The following ELMO1 variants were observed in gnomAD, a reference collection of about 807,000 sequenced individuals.
ELMO1 encodes engulfment and cell motility 1, also known as engulfment and cell motility protein 1.
ELMO1 carries 26 observed loss-of-function variants against 98.9 expected under a neutral mutation model. That is an observed-to-expected ratio of 0.26 (90% CI 0.19 to 0.36). The LOEUF (loss-of-function observed/expected upper bound fraction) is 0.36. ELMO1 is among the 10% of genes least tolerant of loss of function. The pLI, the probability that ELMO1 is intolerant of heterozygous loss-of-function variation, is 1.00. For missense variants in ELMO1, 627 were observed against 935.2 expected, an observed-to-expected ratio of 0.67 and a Z score of 4.30; for synonymous variants, 346 against 346.0, an observed-to-expected ratio of 1.00 and a Z score of 0.00.
intron 15 of ELMO1, among the ~76,000 whole-genome samples, chr7:37,081,163 C>G (rs1797847931): frequency 6.6e-6 from 1 of 152,128 alleles, no homozygotes; most frequent in South Asian, 2.1e-4. Context: ...CATCCCGGTG[C>G]TCTTTATAAG....
intron 7 of ELMO1, among the ~76,000 whole-genome samples, chr7:37,240,044 C>T (rs75780576): frequency 0.013 from 1,788 of 132,802 alleles, 23 homozygotes; most frequent in African/African-American, 0.043. Flanking sequence ...TTTTTTTTTT[C>T]TTTTTTTTTT....
chr7:37,355,030 A>G (rs367826912), intron 1 of ELMO1, among the ~76,000 whole-genome samples: 3 of 152,310 alleles, frequency 2.0e-5, no homozygotes. Flanking sequence ...AGAATTAGTC[A>G]TTCTGATGCA....
Position 36,855,464 on chromosome 7 carries a change from G to T in ELMO1, c.*87C>A. 1 of 1,542,516 alleles carries T rather than the reference G, an allele frequency of 6.5e-7. No homozygotes were observed. Among genetic ancestry groups the T allele is most frequent in the Non-Finnish European group, 8.9e-7 (1 of 1,121,824 alleles). The stretch of plus-strand genomic sequence containing the variant: ...CACAGCTTCCCTTTACCAAAGGACG[G>T]TTCCAAGGCGTGGGTGTGTTTTCAT... On this transcript the variant is annotated 3_prime_UTR_variant, in exon 22 of 22. Coordinates refer to ENST00000310758, the MANE Select transcript of ELMO1 (RefSeq NM_014800.11). This position sits in a 1 kb window ranked among gnomAD's most constrained non-coding sequence, Gnocchi z 4.2.
intron 15 of ELMO1, among the ~76,000 whole-genome samples, chr7:37,031,289 T>A (rs1365224305): frequency 6.6e-6 from 1 of 152,120 alleles, no homozygotes; most frequent in Non-Finnish European, 1.5e-5. Context: ...GGACCCTGAC[T>A]CGCCCTGAAT....
At chr7:37,255,803 C>T (rs1226957696) in intron 6 of ELMO1, among the ~76,000 whole-genome samples, 1 of 152,218 alleles carries the variant, frequency 6.6e-6, no homozygotes. Flanking sequence ...TTAGCTTAAT[C>T]AATAAACAGG....
intron 16 of ELMO1, among the ~76,000 whole-genome samples, chr7:36,995,572 C>G (rs1276132338): frequency 6.6e-6 from 1 of 151,814 alleles, no homozygotes; most frequent in Non-Finnish European, 1.5e-5. Flanking sequence ...TATAATTTTG[C>G]AGGCTGCTCT....
At chr7:36,862,593 G>T (rs867464356) in intron 20 of ELMO1, among the ~76,000 whole-genome samples, 1 of 152,234 alleles carries the variant, frequency 6.6e-6, no homozygotes, top group African/African-American at 2.4e-5. Context: ...CTAGTGGTCT[G>T]AGCGGTCAGC....
intron 15 of ELMO1, among the ~76,000 whole-genome samples, chr7:37,060,195 T>A (rs2129212528): frequency 6.6e-6 from 1 of 152,316 alleles, no homozygotes; most frequent in East Asian, 1.9e-4. Context: ...ATCATGTAAT[T>A]CCAGCCTTGG....
chr7:37,005,668 G>C (rs890407704), intron 16 of ELMO1, among the ~76,000 whole-genome samples: 45 of 141,846 alleles, frequency 3.2e-4, no homozygotes, highest in African/African-American at 1.2e-3. Context: ...CTCCAGCCTG[G>C]GTGACAAGAG....
chr7:36,987,252 G>A (rs1367133445), intron 16 of ELMO1, among the ~76,000 whole-genome samples: 2 of 151,964 alleles, frequency 1.3e-5, no homozygotes, highest in Non-Finnish European at 2.9e-5. Context: ...TGCATGACTA[G>A]AATTAATGTC....
chr7:37,125,322 A>G (rs1786424834), intron 14 of ELMO1, among the ~76,000 whole-genome samples: 1 of 152,170 alleles, frequency 6.6e-6, no homozygotes, highest in African/African-American at 2.4e-5. Flanking sequence ...TGCACAGCAA[A>G]AGAAACTACC....
At chr7:37,359,516 G>A (rs894002014) in intron 1 of ELMO1, among the ~76,000 whole-genome samples, 1 of 152,180 alleles carries the variant, frequency 6.6e-6, no homozygotes, top group African/African-American at 2.4e-5. Context: ...CTATTAAAGA[G>A]TGTACATAGA....
intron 1 of ELMO1, among the ~76,000 whole-genome samples, chr7:37,359,080 A>C (rs1288614318): frequency 1.1e-4 from 16 of 152,242 alleles, no homozygotes; most frequent in Non-Finnish European, 4.4e-5. Flanking sequence ...TCCAAATAGA[A>C]GATGGACTCT....
At chr7:37,254,614 T>G (rs1365634590) in intron 6 of ELMO1, among the ~76,000 whole-genome samples, 1 of 152,134 alleles carries the variant, frequency 6.6e-6, no homozygotes, top group Non-Finnish European at 1.5e-5. Flanking sequence ...CAATAGCAAA[T>G]ATTTGTGTAT....
intron 16 of ELMO1, among the ~76,000 whole-genome samples, chr7:37,010,719 G>C (rs895108682): frequency 6.6e-5 from 10 of 152,342 alleles, no homozygotes; most frequent in Middle Eastern, 3.4e-3. Context: ...TCTGAACTAT[G>C]AACTGTAAGA....
intron 18 of ELMO1, among the ~76,000 whole-genome samples, chr7:36,887,266 C>G (rs1426582476): frequency 6.6e-6 from 1 of 152,154 alleles, no homozygotes; most frequent in Admixed American, 6.6e-5. Context: ...TTCAGAAGCA[C>G]CTGGCACATG....
chr7:37,291,188 C>T (rs1410427687), intron 4 of ELMO1, among the ~76,000 whole-genome samples: 1 of 152,016 alleles, frequency 6.6e-6, no homozygotes, highest in Non-Finnish European at 1.5e-5. Context: ...AATTAGATCG[C>T]CATATAATAC....
chr7:37,157,964 C>T lies in ELMO1; in HGVS notation c.1087-24730G>A, dbSNP rs189078236. 6.7e-4 allele frequency among the ~76,000 whole-genome samples: 102 copies of T among 152,124 alleles called. No individual in the cohort carries two copies. The East Asian group carries it at 0.014, about 21-fold the overall frequency. On this transcript the variant is annotated intron_variant, in intron 13 of 21. Transcript: ENST00000310758. ...ACTGGTACCAAAACAGAGATATAGA[C>T]CAATGGAACAGAACAGAGCCCTCAG...
chr7:37,243,613 T>C (rs1266174525), intron 7 of ELMO1, among the ~76,000 whole-genome samples: 2 of 152,192 alleles, frequency 1.3e-5, no homozygotes, highest in Admixed American at 6.5e-5. Flanking sequence ...CATAATACTA[T>C]AGTACATTGA....
Sources: allele counts gnomAD v4.1 joint callset (sites outside exome capture counted in the v4.1 genomes callset), GRCh38; gene constraint gnomAD v4.1.1; non-coding constraint Gnocchi (gnomAD v3.1); transcripts MANE v1.5; gene names NCBI Gene and HGNC (gene_info 2026-07-23, HGNC 2026-07-21).